Variants in DOCK1 observed in about 807,000 individuals in gnomAD.
DOCK1 encodes the protein dedicator of cytokinesis protein 1.
A neutral mutation model predicts 262.7 loss-of-function variants in DOCK1; 138 were observed. The observed-to-expected ratio is 0.53, with a 90% CI of 0.46 to 0.61. DOCK1 has a LOEUF of 0.61. Ranked by LOEUF, DOCK1 falls within the 20% of genes least tolerant of loss-of-function variation. DOCK1 has a pLI of 0.00. For synonymous variants in DOCK1, 866 were observed against 867.4 expected, an observed-to-expected ratio of 1.00 and a Z score of 0.03; for missense variants, 1,908 against 2,370.7, an observed-to-expected ratio of 0.80 and a Z score of 4.05.
chr10:127,181,866 C>G (rs2055767976), intron 27 of DOCK1, among the ~76,000 whole-genome samples: 1 of 152,212 alleles, frequency 6.6e-6, no homozygotes, highest in Non-Finnish European at 1.5e-5. Context: ...ACTGGAAGTC[C>G]TCTTTTCCTT....
At chr10:126,955,725 A>G (rs2036679602) in intron 1 of DOCK1, among the ~76,000 whole-genome samples, 1 of 152,072 alleles carries the variant, frequency 6.6e-6, no homozygotes. Context: ...TGCCTTACCT[A>G]GAATCTGTAT....
chr10:126,973,310 C>T (rs1428629333), intron 2 of DOCK1, among the ~76,000 whole-genome samples: 1 of 151,710 alleles, frequency 6.6e-6, no homozygotes, highest in African/African-American at 2.4e-5. Context: ...CTCACTGCAA[C>T]CTCTGCCTCC....
intron 7 of DOCK1, among the ~76,000 whole-genome samples, chr10:126,997,342 A>G (rs568042491): frequency 1.3e-5 from 2 of 152,234 alleles, no homozygotes. Flanking sequence ...ATTTATAAAG[A>G]AAAGAGGTTT....
At chr10:127,216,899 C>A (rs1161058894) in intron 27 of DOCK1, among the ~76,000 whole-genome samples, 1 of 152,124 alleles carries the variant, frequency 6.6e-6, no homozygotes, top group Non-Finnish European at 1.5e-5. Flanking sequence ...GTGGTGAGTA[C>A]ATGTCGTGGG....
intron 33 of DOCK1, 36 bp from the exon 34 acceptor site, chr10:127,373,745 A>G (rs537477520): frequency 1.9e-6 from 3 of 1,552,114 alleles, no homozygotes; most frequent in East Asian, 2.3e-5. Context: ...AATACTCGCC[A>G]TGCTGATTAT....
chr10:126,918,116 C>G (rs1340937441), intron 1 of DOCK1, among the ~76,000 whole-genome samples: 1 of 152,194 alleles, frequency 6.6e-6, no homozygotes, highest in Non-Finnish European at 1.5e-5. Flanking sequence ...GAAGGGACTT[C>G]CAGGGGAGGC....
At chr10:127,211,167 C>T (rs2057956001) in intron 27 of DOCK1, among the ~76,000 whole-genome samples, 1 of 152,120 alleles carries the variant, frequency 6.6e-6, no homozygotes, top group Non-Finnish European at 1.5e-5. Flanking sequence ...AAAGCCTTAG[C>T]TGGGCTGCTG....
chr10:127,031,437 G>A (rs541168272), intron 16 of DOCK1, among the ~76,000 whole-genome samples: 3 of 152,270 alleles, frequency 2.0e-5, no homozygotes, highest in African/African-American at 7.2e-5. Context: ...TGAATTTATA[G>A]ATTAATTTGA....
intron 27 of DOCK1, among the ~76,000 whole-genome samples, chr10:127,159,179 T>C (rs1214719744): frequency 6.6e-6 from 1 of 152,224 alleles, no homozygotes; most frequent in East Asian, 1.9e-4. Flanking sequence ...GTGGTTTTTG[T>C]GGAGTCCAGT....
At chr10:127,214,654 G>T (rs1008575890) in intron 27 of DOCK1, among the ~76,000 whole-genome samples, 4 of 152,136 alleles carry the variant, frequency 2.6e-5, no homozygotes, top group East Asian at 1.9e-4. Context: ...TGCATTTAGC[G>T]ATCTCCAGGC....
intron 43 of DOCK1, among the ~76,000 whole-genome samples, chr10:127,412,739 A>C (rs2067934615): frequency 6.6e-6 from 1 of 152,198 alleles, no homozygotes; most frequent in African/African-American, 2.4e-5. Flanking sequence ...TCCTCAGGGC[A>C]GTACCTGTGA....
At chr10:127,155,752 A>T (rs1303176787) in intron 27 of DOCK1, among the ~76,000 whole-genome samples, 5 of 152,112 alleles carry the variant, frequency 3.3e-5, no homozygotes, top group African/African-American at 9.7e-5. Context: ...CTTGCCCTAT[A>T]TAGACTTACA....
At chr10:127,250,262 A>G in intron 28 of DOCK1, among the ~76,000 whole-genome samples, 1 of 152,222 alleles carries the variant, frequency 6.6e-6, no homozygotes. Context: ...AATCTGAACT[A>G]TTAAGTGCTG....
chr10:127,379,881 T>C (rs1381719770), intron 35 of DOCK1, among the ~76,000 whole-genome samples: 1 of 152,162 alleles, frequency 6.6e-6, no homozygotes, highest in Non-Finnish European at 1.5e-5. Context: ...AGAAATGTAA[T>C]TGTGTTTGAC....
intron 1 of DOCK1, among the ~76,000 whole-genome samples, chr10:126,905,844 C>A (rs1309657003): frequency 3.3e-5 from 5 of 151,988 alleles, no homozygotes. Context: ...TCCCCTCCGA[C>A]GCCCGCTCCT....
chr10:127,370,490 C>T lies in DOCK1; in HGVS notation c.3433-3291C>T, dbSNP rs74735902. Reference sequence around the variant, plus strand: ...CTGGCAAGTGCAGGCTGATTTTATACATTACAGATGTATAAAATTATAGAT... The same window carrying T: ...CTGGCAAGTGCAGGCTGATTTTATATATTACAGATGTATAAAATTATAGAT... On this transcript the variant is annotated intron_variant, in intron 33 of 51. Coordinates refer to ENST00000623213, the MANE Select transcript of DOCK1 (RefSeq NM_001290223.2). Among the ~76,000 whole-genome samples, 300 of 152,234 alleles carry T rather than the reference C, an allele frequency of 2.0e-3. 2 individuals are homozygous for T. Among genetic ancestry groups the T allele is most frequent in the African/African-American group, 7.0e-3 (291 of 41,546 alleles).
intron 1 of DOCK1, among the ~76,000 whole-genome samples, chr10:126,923,090 C>T (rs1261552764): frequency 6.6e-6 from 1 of 151,948 alleles, no homozygotes; most frequent in Admixed American, 6.6e-5. Flanking sequence ...GTCTGGGCAA[C>T]AAGAACGAAA....
chr10:127,324,680 C>G (rs775414404), intron 29 of DOCK1, among the ~76,000 whole-genome samples: 2 of 152,094 alleles, frequency 1.3e-5, no homozygotes, highest in Non-Finnish European at 2.9e-5. Context: ...ACTGTTATCT[C>G]ACCACTTTGC....
intron 5 of DOCK1, among the ~76,000 whole-genome samples, 167 bp from the exon 6 acceptor site, chr10:126,990,288 A>G (rs1007244715): frequency 6.6e-6 from 1 of 152,040 alleles, no homozygotes; most frequent in Admixed American, 6.5e-5. Context: ...CAAATTCCGT[A>G]TAATATGTTT....
Sources: allele counts gnomAD v4.1 joint callset (sites outside exome capture counted in the v4.1 genomes callset), GRCh38; gene constraint gnomAD v4.1.1; transcripts MANE v1.5; gene names NCBI Gene and HGNC (gene_info 2026-07-23, HGNC 2026-07-21).